The following GRIN2D variants were observed in gnomAD, a reference collection of about 807,000 sequenced individuals.
The protein encoded by GRIN2D is glutamate ionotropic receptor NMDA type subunit 2D, also known as glutamate receptor ionotropic, NMDA 2D.
Under a neutral mutation model 103.2 loss-of-function variants are expected in GRIN2D, and 37 were observed. The observed-to-expected ratio is 0.36, with a 90% confidence interval of 0.28 to 0.47. The LOEUF is 0.47. Among genes scored for constraint, GRIN2D ranks in the 20% least tolerant of loss-of-function variants. The pLI, the probability that GRIN2D is intolerant of heterozygous loss-of-function variation, is 1.00. For missense variants in GRIN2D, 1,557 were observed against 1,910.6 expected (o/e 0.81, Z 3.45); for synonymous variants, 845 against 885.6 (o/e 0.95, Z 0.81).
chr19:48,420,615 C>T lies in GRIN2D; in HGVS notation c.2091+801C>T, dbSNP rs983778463. Among the ~76,000 whole-genome samples, 12 of 151,686 alleles carry T rather than the reference C, an allele frequency of 7.9e-5. No individual in the cohort carries two copies. The East Asian group carries it at 2.2e-3, about 27-fold the overall frequency. ...CCGAGGTGGGTGGATCACCTGAGGT[C>T]AGGAGTTCGAGACCAGCCTGGCCAA... On this transcript the variant is annotated intron_variant, in intron 10 of 13. Coordinates refer to ENST00000263269, the MANE Select transcript of GRIN2D (RefSeq NM_000836.4).
At position 48,441,803 on chromosome 19, in the gene GRIN2D, C is replaced by G; in HGVS notation, c.2287C>G (p.Leu763Val). 6.2e-7 allele frequency: 1 copy of G among 1,613,938 alleles called. No individual in the cohort carries two copies. Among genetic ancestry groups the G allele is most frequent in the South Asian group, 1.1e-5 (1 of 91,080 alleles). The change falls in exon 12 of 14, where the codon CTC becomes GTC. Residue 763 changes from leucine to valine, a missense_variant. By Grantham distance (32) the Leu-to-Val change is conservative (BLOSUM62 1). Transcript: ENST00000263269. Reference sequence around the variant, plus strand: ...CGCCTTCATCTACGATGCTGCAGTGCTCAATTACATGGCCCGCAAGGACGA... The same window carrying G: ...CGCCTTCATCTACGATGCTGCAGTGGTCAATTACATGGCCCGCAAGGACGA... ...LDAFIYDAAV[L>V]NYMARKDEGC... is the part of the protein sequence containing the mutation.
intron 4 of GRIN2D, among the ~76,000 whole-genome samples, chr19:48,410,188 T>C (rs764005165): frequency 2.0e-5 from 3 of 150,732 alleles, no homozygotes; most frequent in Non-Finnish European, 4.4e-5. Context: ...CTTGGGCAGA[T>C]GGTGGGACCA....
intron 11 of GRIN2D, among the ~76,000 whole-genome samples, chr19:48,423,759 A>C (rs1448603974): frequency 6.6e-6 from 1 of 152,112 alleles, no homozygotes; most frequent in Non-Finnish European, 1.5e-5. Context: ...TTTATGCTAA[A>C]GGCGGTGAGA....
chr19:48,436,406 G>A (rs896238513), intron 11 of GRIN2D, among the ~76,000 whole-genome samples: 2 of 152,122 alleles, frequency 1.3e-5, no homozygotes, highest in African/African-American at 2.4e-5. Context: ...AGGGTCTGTA[G>A]AATATCTCAA....
In GRIN2D at chr19:48,421,593, C is replaced by A. The variant is rs528388005; in HGVS notation, c.2092-192C>A. On this transcript the variant is annotated intron_variant, in intron 10 of 13. Coordinates refer to ENST00000263269, the MANE Select transcript of GRIN2D (RefSeq NM_000836.4). The surrounding 1 kb of genome is among the most constrained non-coding windows in gnomAD (Gnocchi z 4.8). Reference sequence around the variant, plus strand: ...GGAGGCTTCTCGTGAACTTTTGGATCACGTGTCTGCAACCGTGTGTGCTGG... The same window carrying A: ...GGAGGCTTCTCGTGAACTTTTGGATAACGTGTCTGCAACCGTGTGTGCTGG... Among the ~76,000 whole-genome samples, 10 of 152,302 alleles carry A rather than the reference C, an allele frequency of 6.6e-5. No individual in the cohort carries two copies. Among genetic ancestry groups the A allele is most frequent in the South Asian group, 4.1e-4 (2 of 4,832 alleles).
At position 48,444,012 on chromosome 19, in the gene GRIN2D, A is replaced by C; in HGVS notation, c.*75A>C. On this transcript the variant is annotated 3_prime_UTR_variant, in exon 14 of 14. Transcript: ENST00000263269. This position sits in a 1 kb window ranked among gnomAD's most constrained non-coding sequence, Gnocchi z 5.5. ...CGAGGGGGCGCCCGCAGTGGACAGG[A>C]CCCGCGTGGGTTGGGAAGGAAAGCA... The C allele has an allele frequency of 2.0e-6, 2 of 989,330 alleles. No individual in the cohort carries two copies. Among genetic ancestry groups the C allele is most frequent in the South Asian group, 4.6e-5 (2 of 43,670 alleles). The allele number at this position is 989,330 out of a possible 1,614,324, so 61.3% of individuals were successfully genotyped here.
chr19:48,428,429 C>T (rs1232640796), intron 11 of GRIN2D, among the ~76,000 whole-genome samples: 2 of 149,166 alleles, frequency 1.3e-5, no homozygotes, highest in Non-Finnish European at 1.5e-5. Flanking sequence ...GGCACAATCT[C>T]GGCTCACTGC....
intron 3 of GRIN2D, among the ~76,000 whole-genome samples, chr19:48,401,918 T>C (rs1970714454): frequency 6.6e-6 from 1 of 151,948 alleles, no homozygotes; most frequent in South Asian, 2.1e-4. Context: ...CTGGCCAACA[T>C]GGTGAAACCT....
rs1252679704 is a variant in GRIN2D at position 48,398,635 on chromosome 19, C to A, written c.243C>A (p.Gly81=). The change falls in exon 3 of 14, where the codon GGC becomes GGA. Residue 81 remains glycine (G), a synonymous_variant. Coordinates refer to ENST00000263269, the MANE Select transcript of GRIN2D (RefSeq NM_000836.4). ...TGGCGGCGGCGGTGCGCAGCCCGGG[C>A]CTAGACGTGCGGCCCGTGGCGCTGG... The part of the protein sequence containing the change: ...PAVAAAVRSP[G]LDVRPVALVL... The A allele has an allele frequency of 2.3e-5, 33 of 1,414,134 alleles. No homozygotes were observed. In the East Asian group the frequency reaches 1.0e-3, roughly 43 times the overall value. The allele number at this position is 1,414,134 out of a possible 1,614,324, so 87.6% of individuals were successfully genotyped here. A position where few individuals can be genotyped will look rare whatever the true frequency, so the allele number is the denominator to read the frequency against.
chr19:48,432,773 CTTT>C (rs567358434), intron 11 of GRIN2D, among the ~76,000 whole-genome samples: 1 of 136,410 alleles, frequency 7.3e-6, no homozygotes, highest in African/African-American at 2.7e-5. Flanking sequence ...ACTGGACTTT[CTTT>C]TTTTTTTTTT....
At chr19:48,412,563 G>A (rs1323705091) in intron 4 of GRIN2D, among the ~76,000 whole-genome samples, 1 of 151,662 alleles carries the variant, frequency 6.6e-6, no homozygotes, top group Non-Finnish European at 1.5e-5. Context: ...TGAGGCGGGC[G>A]GATCACCTGA....
chr19:48,396,832 G>C (rs1262998084), intron 2 of GRIN2D, among the ~76,000 whole-genome samples: 2 of 152,010 alleles, frequency 1.3e-5, no homozygotes, highest in Non-Finnish European at 2.9e-5. Flanking sequence ...AACCAGACAG[G>C]AGCATGACAG....
intron 2 of GRIN2D, among the ~76,000 whole-genome samples, chr19:48,396,639 G>T (rs1243341834): frequency 6.6e-6 from 1 of 152,034 alleles, no homozygotes; most frequent in Admixed American, 6.5e-5. Flanking sequence ...GCCAGGATCG[G>T]GGAGGGATGG....
intron 3 of GRIN2D, among the ~76,000 whole-genome samples, chr19:48,401,094 A>C (rs1188631762): frequency 6.6e-6 from 1 of 151,844 alleles, no homozygotes; most frequent in East Asian, 1.9e-4. Context: ...AAAAAAAAAA[A>C]AAACAATAAA....
intron 2 of GRIN2D, among the ~76,000 whole-genome samples, chr19:48,396,270 G>A (rs945954953): frequency 1.3e-5 from 2 of 152,068 alleles, no homozygotes; most frequent in African/African-American, 4.8e-5. Context: ...TGGAGGACTG[G>A]GGATGCCCCT....
intron 11 of GRIN2D, among the ~76,000 whole-genome samples, chr19:48,438,201 C>T (rs1971252918): frequency 6.7e-6 from 1 of 150,240 alleles, no homozygotes; most frequent in African/African-American, 2.4e-5. Flanking sequence ...CTTAAATCAA[C>T]AGACAGGCTA....
rs368341835 is a variant in GRIN2D at position 48,413,652 on chromosome 19, ACT to A, written c.1086-336_1086-335del. 1.3e-3 allele frequency among the ~76,000 whole-genome samples: 134 copies of A among 104,668 alleles called. 2 individuals carry two copies. In the East Asian group the frequency reaches 0.034, roughly 27 times the overall value. The allele number at this position is 104,668 out of a possible 152,430, so 68.7% of individuals were successfully genotyped here. A position where few individuals can be genotyped will look rare whatever the true frequency, so the allele number is the denominator to read the frequency against. On this transcript the variant is annotated intron_variant, in intron 4 of 13. Transcript: ENST00000263269. ...ACTCCAGCCTGGGAGACAGAGCAAGACTCTGTCTCAAAAAAAAAAAAAAAAAA... is the reference window on the plus strand; with the variant it reads ...ACTCCAGCCTGGGAGACAGAGCAAGACTGTCTCAAAAAAAAAAAAAAAAAA...
In GRIN2D at chr19:48,414,113, G is replaced by C; in HGVS notation, c.1200+8G>C. 1 of 1,510,412 alleles carries C rather than the reference G, an allele frequency of 6.6e-7. No homozygotes were observed. Among genetic ancestry groups the C allele is most frequent in the Non-Finnish European group, 9.2e-7 (1 of 1,085,844 alleles). The allele number at this position is 1,510,412 out of a possible 1,614,324, so 93.6% of individuals were successfully genotyped here. A position where few individuals can be genotyped will look rare whatever the true frequency, so the allele number is the denominator to read the frequency against. ...GACAGGACGTGGGAGGTGGTGAGTC[G>C]TAGCCCCAGACCTCAGGCATGGCAG... On this transcript the variant is annotated splice_region_variant and intron_variant, in intron 5 of 13. Transcript: ENST00000263269. This position sits in a 1 kb window ranked among gnomAD's most constrained non-coding sequence, Gnocchi z 4.6.
intron 2 of GRIN2D, among the ~76,000 whole-genome samples, chr19:48,396,798 G>T (rs1210596128): frequency 6.6e-6 from 1 of 152,004 alleles, no homozygotes; most frequent in Admixed American, 6.6e-5. Flanking sequence ...TCTGTGGGGT[G>T]GACGAGGCCT....
Sources: gnomAD v4.1 joint callset for allele counts (sites outside exome capture counted in the v4.1 genomes callset) on GRCh38, gnomAD v4.1.1 for gene constraint, Gnocchi (gnomAD v3.1) non-coding constraint, MANE v1.5 for transcripts, NCBI Gene and HGNC (gene_info 2026-07-23, HGNC 2026-07-21) for gene names.